PTPRT: variants seen among roughly 807,000 people sequenced by gnomAD.
PTPRT encodes the protein receptor-type tyrosine-protein phosphatase T.
Under a neutral mutation model 176.8 loss-of-function variants are expected in PTPRT, and 56 were observed. That is an observed-to-expected ratio of 0.32 (90% CI 0.26 to 0.40). The LOEUF is 0.40. Ranked by LOEUF, PTPRT falls within the 10% of genes least tolerant of loss-of-function variation. The probability of loss-of-function intolerance (pLI) is 1.00; values close to 1 mark genes in which losing one functional copy is unlikely to be tolerated. For missense variants in PTPRT, 1,540 were observed against 1,908.2 expected, an observed-to-expected ratio of 0.81 and a Z score of 3.60; for synonymous variants, 783 against 739.0, an observed-to-expected ratio of 1.06 and a Z score of -0.96.
chr20:42,568,107 T>C (rs377407325), intron 7 of PTPRT, among the ~76,000 whole-genome samples: 15 of 152,158 alleles, frequency 9.9e-5, no homozygotes, highest in African/African-American at 3.6e-4. Flanking sequence ...TAGCTGGGAT[T>C]ACATGCACCC....
At chr20:42,156,376 G>C (rs1415043230) in intron 17 of PTPRT, among the ~76,000 whole-genome samples, 1 of 152,146 alleles carries the variant, frequency 6.6e-6, no homozygotes, top group Non-Finnish European at 1.5e-5. Context: ...TCTTAAAGTT[G>C]AAATTCTGAA....
chr20:42,119,982 G>A lies in PTPRT; in HGVS notation c.2848-11C>T. ...AGGTCGATGGTATCCCTGGATAACA[G>A]GAGAAAAGCACTGTGAAGAGTCTGT... On this transcript the variant is annotated splice_polypyrimidine_tract_variant and intron_variant, in intron 19 of 30. Coordinates refer to ENST00000373187, the MANE Select transcript of PTPRT (RefSeq NM_007050.6). 1 of 1,606,680 alleles carries A rather than the reference G, an allele frequency of 6.2e-7. No homozygotes were observed. The highest frequency in any genetic ancestry group is 8.5e-7 in the Non-Finnish European group (1 of 1,176,294).
At chr20:42,216,685 C>A (rs2146766812) in intron 15 of PTPRT, among the ~76,000 whole-genome samples, 1 of 152,326 alleles carries the variant, frequency 6.6e-6, no homozygotes, top group Non-Finnish European at 1.5e-5. Flanking sequence ...TTGAGTGACA[C>A]TTTCCATTCC....
intron 9 of PTPRT, among the ~76,000 whole-genome samples, chr20:42,387,925 G>A (rs2058760390): frequency 1.3e-5 from 2 of 151,820 alleles, no homozygotes; most frequent in African/African-American, 4.8e-5. Context: ...CTGAGTGGCT[G>A]GGATTGCAGG....
chr20:42,923,155 C>T (rs796930296), intron 1 of PTPRT, among the ~76,000 whole-genome samples: 3 of 152,046 alleles, frequency 2.0e-5, no homozygotes, highest in African/African-American at 7.3e-5. Context: ...CATGTTCAGC[C>T]CCTGCACCTG....
At chr20:42,270,026 T>A (rs2056903879) in intron 13 of PTPRT, among the ~76,000 whole-genome samples, 1 of 152,120 alleles carries the variant, frequency 6.6e-6, no homozygotes, top group South Asian at 2.1e-4. Flanking sequence ...TAACACCACT[T>A]GAAGTGGCAA....
chr20:42,992,101 A>G (rs1983941225), intron 1 of PTPRT, among the ~76,000 whole-genome samples: 1 of 152,218 alleles, frequency 6.6e-6, no homozygotes, highest in African/African-American at 2.4e-5. Flanking sequence ...AATAATAAAC[A>G]AAAATCAGCA....
chr20:42,377,028 G>A (rs1374921481), intron 9 of PTPRT, among the ~76,000 whole-genome samples: 1 of 152,092 alleles, frequency 6.6e-6, no homozygotes, highest in African/African-American at 2.4e-5. Flanking sequence ...GAAAGAGAGG[G>A]AGCAAGGCTG....
At chr20:42,167,496 C>T (rs1462643282) in intron 16 of PTPRT, among the ~76,000 whole-genome samples, 2 of 152,178 alleles carry the variant, frequency 1.3e-5, no homozygotes, top group Non-Finnish European at 2.9e-5. Flanking sequence ...TCTTAACTAG[C>T]TAATCAAATT....
At chr20:42,744,130 C>A (rs116833900) in intron 6 of PTPRT, among the ~76,000 whole-genome samples, 4,533 of 152,274 alleles carry the variant, frequency 0.03, 202 homozygotes, top group African/African-American at 0.1. Context: ...CAGGCCCTGC[C>A]TGACAGGAGG....
At chr20:42,242,552 C>T (rs575898162) in intron 14 of PTPRT, among the ~76,000 whole-genome samples, 1 of 152,216 alleles carries the variant, frequency 6.6e-6, no homozygotes, top group Middle Eastern at 3.4e-3. Context: ...GGAGAAAGTG[C>T]CTACTGAATT....
rs912367540 is a variant in PTPRT, at chr20:42,077,413, G to A, written c.*3466C>T. 1.4e-5 allele frequency: 3 copies of A among 221,610 alleles called. No homozygotes were observed. Among genetic ancestry groups the A allele is most frequent in the South Asian group, 1.8e-4 (1 of 5,454 alleles). The allele number at this position is 221,610 out of a possible 1,614,324, so 13.7% of individuals were successfully genotyped here. On this transcript the variant is annotated 3_prime_UTR_variant, in exon 31 of 31. Coordinates refer to ENST00000373187, the MANE Select transcript of PTPRT (RefSeq NM_007050.6). ...CTTCCTTGCATCTTCCCCAAACAGA[G>A]CCCACATCTATGAGGTAAGAGCTCC...
chr20:42,059,793 A>G, the PTPRT span, among the ~76,000 whole-genome samples: 3 of 152,184 alleles, frequency 2.0e-5, no homozygotes, highest in African/African-American at 7.2e-5. Flanking sequence ...ATTCCCGAGA[A>G]GCTCGAGGCT....
chr20:42,912,252 T>A (rs985472644), intron 1 of PTPRT, among the ~76,000 whole-genome samples: 6 of 152,162 alleles, frequency 3.9e-5, no homozygotes, highest in Non-Finnish European at 5.9e-5. Context: ...CATTTGTCAT[T>A]TTAATTGGTG....
chr20:43,078,502 T>C (rs903871009), intron 1 of PTPRT, among the ~76,000 whole-genome samples: 6 of 152,206 alleles, frequency 3.9e-5, no homozygotes, highest in African/African-American at 1.4e-4. Context: ...GCATTACTTA[T>C]AGACATTACT....
Position 42,925,353 on chromosome 20 carries a change from A to G in PTPRT, c.89-39421T>C, listed in dbSNP as rs142936540. Reference sequence around the variant, plus strand: ...AAACAAAATTAACAAAAACAAAAACATAAGTAAATGTTGGCTAGATATTGT... The same window carrying G: ...AAACAAAATTAACAAAAACAAAAACGTAAGTAAATGTTGGCTAGATATTGT... On this transcript the variant is annotated intron_variant, in intron 1 of 30. Coordinates refer to ENST00000373187, the MANE Select transcript of PTPRT (RefSeq NM_007050.6). 5.7e-4 allele frequency among the ~76,000 whole-genome samples: 87 copies of G among 152,370 alleles called. 1 individual carries two copies. The Middle Eastern group carries it at 0.027, about 48-fold the overall frequency.
chr20:42,413,992 C>T (rs1297831430), intron 9 of PTPRT, among the ~76,000 whole-genome samples: 1 of 152,050 alleles, frequency 6.6e-6, no homozygotes, highest in Admixed American at 6.6e-5. Context: ...CCACCATGCC[C>T]GGCTAATTTT....
chr20:42,955,627 T>C (rs1981579384), intron 1 of PTPRT, among the ~76,000 whole-genome samples: 1 of 152,294 alleles, frequency 6.6e-6, no homozygotes, highest in African/African-American at 2.4e-5. Flanking sequence ...AATTTCTTCA[T>C]GAGTAAAGTA....
chr20:42,158,673 C>A (rs542104741), intron 17 of PTPRT, among the ~76,000 whole-genome samples: 44 of 152,220 alleles, frequency 2.9e-4, no homozygotes, highest in Middle Eastern at 3.4e-3. Flanking sequence ...CTGGGCTGGA[C>A]ATTGCGGGCT....
Sources: gnomAD v4.1 joint callset for allele counts (sites outside exome capture counted in the v4.1 genomes callset) on GRCh38, gnomAD v4.1.1 for gene constraint, MANE v1.5 for transcripts, NCBI Gene and HGNC (gene_info 2026-07-23, HGNC 2026-07-21) for gene names.